Variants in FHIT observed in about 807,000 individuals in gnomAD.
FHIT encodes fragile histidine triad diadenosine triphosphatase, also known as bis(5'-adenosyl)-triphosphatase.
In FHIT, 19 loss-of-function variants were observed where a neutral mutation model predicts 17.9. That is an observed-to-expected ratio of 1.06 (90% CI 0.74 to 1.56). The LOEUF (loss-of-function observed/expected upper bound fraction) is 1.56. Among genes scored for constraint, FHIT ranks in the 40% most tolerant of loss-of-function variants. The pLI is 0.00. For missense variants in FHIT, 248 were observed against 189.2 expected, an observed-to-expected ratio of 1.31 and a Z score of -1.82; for synonymous variants, 81 against 69.7, an observed-to-expected ratio of 1.16 and a Z score of -0.81.
At chr3:60,684,880 G>A (rs375377830) in intron 4 of FHIT, among the ~76,000 whole-genome samples, 1 of 152,132 alleles carries the variant, frequency 6.6e-6, no homozygotes, top group African/African-American at 2.4e-5. Context: ...TGTTGCTCTA[G>A]TATATTGACT....
chr3:60,764,363 G>T (rs995075573), intron 4 of FHIT, among the ~76,000 whole-genome samples: 1 of 152,116 alleles, frequency 6.6e-6, no homozygotes, highest in African/African-American at 2.4e-5. Flanking sequence ...CAGAAACAAA[G>T]CCCAAAGGAT....
chr3:59,748,075 G>A lies in FHIT; in HGVS notation c.*1510C>T, dbSNP rs1456564906. On this transcript the variant is annotated 3_prime_UTR_variant, in exon 10 of 10. Transcript: ENST00000492590. ...AGCCTCACTTTTTAACACAGAGACT[G>A]AATCTCACTCCTAGTTGCTAAGGCA... Among the ~76,000 whole-genome samples the A allele has an allele frequency of 6.6e-6, 1 of 152,120 alleles. No homozygotes were observed. The highest frequency in any genetic ancestry group is 2.4e-5 in the African/African-American group (1 of 41,418).
At chr3:60,685,172 T>G (rs1276941432) in intron 4 of FHIT, among the ~76,000 whole-genome samples, 1 of 152,212 alleles carries the variant, frequency 6.6e-6, no homozygotes, top group African/African-American at 2.4e-5. Flanking sequence ...CCTTTCCCAA[T>G]TCAGTACATA....
At chr3:59,858,209 G>C (rs985298882) in intron 8 of FHIT, among the ~76,000 whole-genome samples, 2 of 149,704 alleles carry the variant, frequency 1.3e-5, no homozygotes, top group African/African-American at 4.9e-5. Flanking sequence ...AGACATAAAT[G>C]GTGATCTTCC....
chr3:60,744,270 A>AAAAAAAAAAAAAAAAAAAAAAAC (rs1577150242), intron 4 of FHIT, among the ~76,000 whole-genome samples: 3 of 22,516 alleles, frequency 1.3e-4, no homozygotes, highest in African/African-American at 3.9e-4. Context: ...AAACAAAACA[A>AAAAAAAAAAAAAAAAAAAAAAAC]AAAAAAAAAA....
chr3:59,883,277 A>C (rs922703197), intron 8 of FHIT, among the ~76,000 whole-genome samples: 1 of 152,158 alleles, frequency 6.6e-6, no homozygotes, highest in African/African-American at 2.4e-5. Flanking sequence ...GGTTATATAC[A>C]TCTGTATTAG....
chr3:61,001,943 G>T (rs1175297170), intron 3 of FHIT, among the ~76,000 whole-genome samples: 1 of 151,882 alleles, frequency 6.6e-6, no homozygotes, highest in Non-Finnish European at 1.5e-5. Context: ...AGGGTACACA[G>T]GCCCTCCCTC....
chr3:60,423,313 A>G (rs1702544680), intron 5 of FHIT, among the ~76,000 whole-genome samples: 1 of 152,116 alleles, frequency 6.6e-6, no homozygotes, highest in Non-Finnish European at 1.5e-5. Context: ...TAATGATCCA[A>G]AACAAATTCC....
At chr3:60,540,415 A>C (rs2036148027) in intron 4 of FHIT, among the ~76,000 whole-genome samples, 1 of 152,234 alleles carries the variant, frequency 6.6e-6, no homozygotes, top group African/African-American at 2.4e-5. Context: ...AGAGGCCCAG[A>C]CTTGCAACTG....
intron 5 of FHIT, among the ~76,000 whole-genome samples, chr3:60,275,753 A>T (rs1325587967): frequency 6.6e-6 from 1 of 152,204 alleles, no homozygotes; most frequent in African/African-American, 2.4e-5. Flanking sequence ...GTTCTTATAA[A>T]GGAGAGTCAG....
At chr3:59,875,352 G>A (rs532762532) in intron 8 of FHIT, among the ~76,000 whole-genome samples, 19 of 152,168 alleles carry the variant, frequency 1.2e-4, no homozygotes, top group Non-Finnish European at 2.6e-4. Flanking sequence ...CATCTCCCAG[G>A]GAAGACATTG....
intron 5 of FHIT, among the ~76,000 whole-genome samples, chr3:60,206,991 G>A (rs956621785): frequency 2.6e-5 from 4 of 152,144 alleles, no homozygotes; most frequent in African/African-American, 9.7e-5. Context: ...AAGGATATAT[G>A]TGTGTGAAAA....
At chr3:60,628,439 G>T (rs552361209) in intron 4 of FHIT, among the ~76,000 whole-genome samples, 1 of 152,248 alleles carries the variant, frequency 6.6e-6, no homozygotes, top group East Asian at 1.9e-4. Flanking sequence ...TGATATTTCT[G>T]TTGTCTGCCT....
At chr3:59,926,489 A>C (rs896348114) in intron 7 of FHIT, among the ~76,000 whole-genome samples, 1 of 152,234 alleles carries the variant, frequency 6.6e-6, no homozygotes, top group South Asian at 2.1e-4. Flanking sequence ...GAAGAAAAAC[A>C]TAACGGTATA....
chr3:60,364,977 T>C (rs6782631), intron 5 of FHIT, among the ~76,000 whole-genome samples: 79,906 of 151,690 alleles, frequency 0.53, 21,549 homozygotes, highest in Non-Finnish European at 0.59. Context: ...GAATAGATCA[T>C]GAGACTTCTC....
intron 5 of FHIT, among the ~76,000 whole-genome samples, chr3:60,257,510 TAG>T (rs1706060159): frequency 6.6e-6 from 1 of 152,188 alleles, no homozygotes; most frequent in South Asian, 2.1e-4. Flanking sequence ...TGGCTTTTCA[TAG>T]AGTGTTCAAC....
chr3:60,221,250 G>A (rs779331212), intron 5 of FHIT, among the ~76,000 whole-genome samples: 1 of 152,086 alleles, frequency 6.6e-6, no homozygotes, highest in Non-Finnish European at 1.5e-5. Flanking sequence ...ATAATCAACA[G>A]ATAGTTCTGT....
At chr3:61,099,587 T>A (rs956452008) in intron 2 of FHIT, among the ~76,000 whole-genome samples, 14 of 152,302 alleles carry the variant, frequency 9.2e-5, no homozygotes, top group African/African-American at 3.4e-4. Context: ...TGTCTAAATT[T>A]CAGAGCTCCC....
At chr3:60,679,178 A>T (rs1553696167) in intron 4 of FHIT, among the ~76,000 whole-genome samples, 1 of 152,090 alleles carries the variant, frequency 6.6e-6, no homozygotes, top group African/African-American at 2.4e-5. Flanking sequence ...ACATATAGAA[A>T]TCTGCCCTAC....
Sources: allele counts gnomAD v4.1 joint callset (sites outside exome capture counted in the v4.1 genomes callset), GRCh38; gene constraint gnomAD v4.1.1; transcripts MANE v1.5; gene names NCBI Gene and HGNC (gene_info 2026-07-23, HGNC 2026-07-21).